TARS1: variants seen among roughly 807,000 people sequenced by gnomAD.
TARS1 encodes threonyl-tRNA synthetase 1.
A neutral mutation model predicts 97.7 loss-of-function variants in TARS1; 57 were observed. The observed-to-expected ratio is 0.58, with a 90% CI of 0.47 to 0.73. The LOEUF (loss-of-function observed/expected upper bound fraction) is 0.73. Ranked by LOEUF, TARS1 falls within the 30% of genes least tolerant of loss-of-function variation. The pLI is 0.00. For synonymous variants in TARS1, 312 were observed against 293.7 expected (o/e 1.06, Z -0.64); for missense variants, 806 against 888.3 (o/e 0.91, Z 1.18).
At position 33,461,244 on chromosome 5, in the gene TARS1, T is replaced by C; in HGVS notation, c.1500T>C (p.Thr500=). 6.2e-7 allele frequency: 1 copy of C among 1,613,994 alleles called. No homozygotes were observed. Among genetic ancestry groups the C allele is most frequent in the Non-Finnish European group, 8.5e-7 (1 of 1,179,980 alleles). Reference sequence around the variant, plus strand: ...TTTCTTTTAAACTAAACCTTTCTACTCGCCCGGAAAAATTCCTTGGAGATA... The same window carrying C: ...TTTCTTTTAAACTAAACCTTTCTACCCGCCCGGAAAAATTCCTTGGAGATA... The part of the protein sequence containing the change: ...FGFSFKLNLS[T]RPEKFLGDIE... Residue 500 remains threonine (T), a synonymous_variant, in exon 13 of 19, where the codon ACT becomes ACC. Coordinates refer to ENST00000265112, the MANE Select transcript of TARS1 (RefSeq NM_152295.5).
At chr5:33,444,830 A>G (rs1741328868) in intron 1 of TARS1, among the ~76,000 whole-genome samples, 1 of 152,162 alleles carries the variant, frequency 6.6e-6, no homozygotes, top group African/African-American at 2.4e-5. Context: ...GGAGTTTCTC[A>G]CACATGTATG....
At chr5:33,450,783 C>T (rs1251457710) in intron 3 of TARS1, among the ~76,000 whole-genome samples, 2 of 152,148 alleles carry the variant, frequency 1.3e-5, no homozygotes, top group Admixed American at 6.5e-5. Flanking sequence ...ATCAAGTCTT[C>T]AGTTGAAAAA....
In TARS1 at chr5:33,463,772, C is replaced by A. The variant is rs76751197; in HGVS notation, c.1855C>A (p.Arg619Ser). The A allele has an allele frequency of 4.3e-6, 7 of 1,612,276 alleles. No homozygotes were observed. In the East Asian group the frequency reaches 1.6e-4, roughly 36 times the overall value. ...CCAAAGGCCCTTTTGGCTGTCCCCT[C>A]GCCAGGTAATGGTAGTTCCAGTGGG... Reference protein sequence around the residue: ...GGKWPFWLSPRQVMVVPVGPT... With the variant: ...GGKWPFWLSPSQVMVVPVGPT... Residue 619 changes from arginine to serine, a missense_variant, in exon 17 of 19, where the codon CGC (arginine) becomes AGC (serine). By Grantham distance (110) the Arg-to-Ser change is moderately radical. Around this residue, in one of 3 missense-constraint regions of TARS1, gnomAD observed 446 missense variants for 511.0 expected, o/e 0.87. Coordinates refer to ENST00000265112, the MANE Select transcript of TARS1 (RefSeq NM_152295.5).
intron 2 of TARS1, chr5:33,446,913 G>T (rs941180694): frequency 5.2e-6 from 2 of 384,430 alleles, no homozygotes; most frequent in South Asian, 2.7e-5. Flanking sequence ...GTTATGGACC[G>T]TTGTGATAAT....
chr5:33,447,874 T>C (rs1741499516), intron 2 of TARS1, among the ~76,000 whole-genome samples: 1 of 152,260 alleles, frequency 6.6e-6, no homozygotes, highest in Non-Finnish European at 1.5e-5. Context: ...TTCCATAGAT[T>C]ATAGAGTGAC....
In TARS1 at chr5:33,441,103, C is replaced by T; in HGVS notation, c.17C>T (p.Ala6Val). Reference protein sequence around the residue: MFEEKASSPSGKMGGE... With the variant: MFEEKVSSPSGKMGGE... ...CGTTCGCCAATGTTTGAGGAGAAGG[C>T]CAGCAGTCCTTCAGGGAAGATGGGA... Residue 6 changes from alanine (A) to valine (V), a missense_variant, in exon 1 of 19, where the codon GCC (alanine) becomes GTC (valine). Physicochemically the swap from Ala to Val is moderately conservative, Grantham distance 64. This residue lies in a region of TARS1 where 356 missense variants were observed against 357.8 expected (regional missense o/e 0.99). Coordinates refer to ENST00000265112, the MANE Select transcript of TARS1 (RefSeq NM_152295.5). 1 of 1,614,230 alleles carries T rather than the reference C, an allele frequency of 6.2e-7. No individual in the cohort carries two copies. The highest frequency in any genetic ancestry group is 8.5e-7 in the Non-Finnish European group (1 of 1,180,042).
chr5:33,453,877 A>C (rs375079037), intron 4 of TARS1, among the ~76,000 whole-genome samples: 22 of 152,000 alleles, frequency 1.4e-4, no homozygotes, highest in Admixed American at 1.3e-3. Flanking sequence ...GCACTACCAC[A>C]CTTGGCTAAT....
At chr5:33,442,286 T>C (rs1319496265) in intron 1 of TARS1, among the ~76,000 whole-genome samples, 1 of 152,084 alleles carries the variant, frequency 6.6e-6, no homozygotes. Context: ...CGTAGATTTT[T>C]TTCACATAAA....
In TARS1 at chr5:33,455,695, A is replaced by G; in HGVS notation, c.684A>G (p.Ala228=). Residue 228 remains alanine, a synonymous_variant, in exon 6 of 19, where the codon GCA becomes GCG. Coordinates refer to ENST00000265112, the MANE Select transcript of TARS1 (RefSeq NM_152295.5). ...AAGTTAAGAAAGAAACTTTACTGGCAATGTTTAAGGTAAATTGAACCATAG... is the reference window on the plus strand; with the variant it reads ...AAGTTAAGAAAGAAACTTTACTGGCGATGTTTAAGGTAAATTGAACCATAG... ...RLEVKKETLL[A]MFKYNKFKCR... The G allele has an allele frequency of 6.2e-7, 1 of 1,600,698 alleles. No homozygotes were observed. Among genetic ancestry groups the G allele is most frequent in the Non-Finnish European group, 8.6e-7 (1 of 1,168,394 alleles).
intron 6 of TARS1, 81 bp from the exon 7 acceptor site, chr5:33,455,921 C>T (rs1741992832): frequency 5.0e-6 from 6 of 1,206,470 alleles, no homozygotes; most frequent in Non-Finnish European, 1.2e-6. Context: ...TATATTCATA[C>T]AGTGCTACGT....
At chr5:33,457,123 G>C (rs1437255330) in intron 8 of TARS1, 134 bp from the exon 9 acceptor site, 3 of 984,720 alleles carry the variant, frequency 3.0e-6, no homozygotes, top group Non-Finnish European at 4.4e-6. Flanking sequence ...GGGCATTTTT[G>C]AGGATAGAAA....
chr5:33,461,771 T>C lies in TARS1; in HGVS notation c.1629+27T>C, dbSNP rs759176999. The C allele has an allele frequency of 1.9e-6, 3 of 1,608,156 alleles. No homozygotes were observed. In the South Asian group the frequency reaches 3.3e-5, roughly 18 times the overall value. ...TGAGCACTAAAGTACATTTGGGTAA[T>C]ATGATTTTCACTTGTGGATGAAGAA... On this transcript the variant is annotated intron_variant, in intron 14 of 18. Coordinates refer to ENST00000265112, the MANE Select transcript of TARS1 (RefSeq NM_152295.5).
intron 2 of TARS1, among the ~76,000 whole-genome samples, chr5:33,446,389 A>T (rs1459623144): frequency 6.6e-6 from 1 of 152,246 alleles, no homozygotes; most frequent in African/African-American, 2.4e-5. Context: ...GGAAAAATGC[A>T]TATGTTCCCT....
chr5:33,462,325 C>T (rs1187808287), intron 16 of TARS1, 122 bp downstream of exon 16: 12 of 852,068 alleles, frequency 1.4e-5, no homozygotes, highest in East Asian at 5.0e-5. Context: ...TTCTAACTAA[C>T]GACAAGTGTT....
chr5:33,460,954 G>A lies in TARS1; in HGVS notation c.1303G>A (p.Ala435Thr). ...RSWRELPLRL[A>T]DFGVLHRNEL... is the part of the protein sequence containing the mutation. ...CTGGCGAGAACTGCCTCTGCGGCTAGCTGATTTTGGGGTACTTCATAGGAA... is the reference window on the plus strand; with the variant it reads ...CTGGCGAGAACTGCCTCTGCGGCTAACTGATTTTGGGGTACTTCATAGGAA... Residue 435 changes from alanine to threonine, a missense_variant, in exon 12 of 19, where the codon GCT becomes ACT. This residue lies in a region of TARS1 where 446 missense variants were observed against 511.0 expected (regional missense o/e 0.87). Coordinates refer to ENST00000265112, the MANE Select transcript of TARS1 (RefSeq NM_152295.5). 1 of 1,614,168 alleles carries A rather than the reference G, an allele frequency of 6.2e-7. No homozygotes were observed. Among genetic ancestry groups the A allele is most frequent in the Non-Finnish European group, 8.5e-7 (1 of 1,180,032 alleles).
Position 33,446,653 on chromosome 5 carries a change from CAG to C in TARS1, c.138+1252_138+1253del, listed in dbSNP as rs779165611. ...ATCTCTGCAATCACAGAGACTGACA[CAG>C]AGGGTATCTGCTGAATGAATGTTGA... On this transcript the variant is annotated intron_variant, in intron 2 of 18. Transcript: ENST00000265112. 2.7e-5 allele frequency: 35 copies of C among 1,287,436 alleles called. No individual in the cohort carries two copies. The African/African-American group carries it at 5.0e-4, about 18-fold the overall frequency. 79.8% of individuals were successfully genotyped at this position (1,287,436 alleles called of 1,614,324 possible).
chr5:33,467,723 A>C lies in TARS1; in HGVS notation c.*15A>C. On this transcript the variant is annotated 3_prime_UTR_variant, in exon 19 of 19. Coordinates refer to ENST00000265112, the MANE Select transcript of TARS1 (RefSeq NM_152295.5). ...AAGAATTTTAATGAAAAAATTACCC[A>C]GATTGGCTCCATGGAAAAGGAGGAA... 2 of 1,601,908 alleles carry C rather than the reference A, an allele frequency of 1.2e-6. No individual in the cohort carries two copies. Among genetic ancestry groups the C allele is most frequent in the Admixed American group, 3.5e-5 (2 of 57,104 alleles).
intron 9 of TARS1, among the ~76,000 whole-genome samples, chr5:33,458,194 AATAC>A (rs993644078): frequency 3.3e-5 from 5 of 152,206 alleles, no homozygotes; most frequent in Admixed American, 3.3e-4. Context: ...TAAGAAAATA[AATAC>A]ATACATAAAT....
At chr5:33,443,475 C>CTT (rs199902596) in intron 1 of TARS1, among the ~76,000 whole-genome samples, 1,309 of 130,282 alleles carry the variant, frequency 0.01, 25 homozygotes, top group Middle Eastern at 0.016. Flanking sequence ...ATTTTTCTTT[C>CTT]TTTTTTTTTT....
Sources: gnomAD v4.1 joint callset for allele counts (sites outside exome capture counted in the v4.1 genomes callset) on GRCh38, gnomAD v4.1.1 for gene constraint, gnomAD v4.1.1 regional missense constraint, MANE v1.5 for transcripts, NCBI Gene and HGNC (gene_info 2026-07-23, HGNC 2026-07-21) for gene names.